The following PACS2 variants were observed in gnomAD, a reference collection of about 807,000 sequenced individuals.
PACS2 encodes the protein PACS1-like protein.
A neutral mutation model predicts 113.0 loss-of-function variants in PACS2; 36 were observed. The ratio of observed to expected loss-of-function variants is 0.32; its 90% CI spans 0.24 to 0.42. The LOEUF is 0.42. Ranked by LOEUF, PACS2 falls within the 10% of genes least tolerant of loss-of-function variation. The pLI is 1.00. For missense variants in PACS2, 1,015 were observed against 1,239.5 expected (o/e 0.82, Z 2.72); for synonymous variants, 589 against 536.1 (o/e 1.10, Z -1.36).
rs774735300 is a variant in PACS2 at position 105,330,876 on chromosome 14, C to T, written c.119+15839C>T. ...CAGCTGTGCCCCATGCAGCCTCTAC[C>T]GGCATCTCACGTGATGTCAACCTTC... On this transcript the variant is annotated intron_variant, in intron 1 of 24. Transcript: ENST00000447393. This position sits in a 1 kb window ranked among gnomAD's most constrained non-coding sequence, Gnocchi z 6.9. 1.4e-4 allele frequency among the ~76,000 whole-genome samples: 22 copies of T among 152,180 alleles called. No individual in the cohort carries two copies. Among genetic ancestry groups the T allele is most frequent in the African/African-American group, 3.4e-4 (14 of 41,448 alleles).
intron 1 of PACS2, among the ~76,000 whole-genome samples, chr14:105,325,551 C>T (rs768629751): frequency 1.3e-5 from 2 of 152,208 alleles, no homozygotes; most frequent in Non-Finnish European, 2.9e-5. Flanking sequence ...TGGCAGCAGC[C>T]GCCACGCACA....
intron 1 of PACS2, among the ~76,000 whole-genome samples, chr14:105,304,030 C>T (rs1447370118): frequency 1.3e-5 from 2 of 152,244 alleles, no homozygotes; most frequent in Non-Finnish European, 2.9e-5. Flanking sequence ...CGTGTGCTCC[C>T]TCACCAAAGC....
rs1555405468 is a variant in PACS2 at position 105,357,240 on chromosome 14, C to G, written c.423+2063C>G. Among the ~76,000 whole-genome samples the G allele has an allele frequency of 6.6e-6, 1 of 152,108 alleles. No individual in the cohort carries two copies. The highest frequency in any genetic ancestry group is 1.5e-5 in the Non-Finnish European group (1 of 68,022). ...AGCCTTGGGCTGTCCCCTCCTGATC[C>G]CCGGGGAGAGGCTGGAGCAACCTTC... On this transcript the variant is annotated intron_variant, in intron 4 of 24. Coordinates refer to ENST00000447393, the MANE Select transcript of PACS2 (RefSeq NM_001100913.3). The surrounding 1 kb of genome is among the most constrained non-coding windows in gnomAD (Gnocchi z 5.1).
intron 19 of PACS2, among the ~76,000 whole-genome samples, chr14:105,386,126 G>A (rs1192227672): frequency 6.6e-6 from 1 of 152,220 alleles, no homozygotes; most frequent in Non-Finnish European, 1.5e-5. Flanking sequence ...TTTAAACCAG[G>A]AGCGAGTGGC....
chr14:105,309,945 C>A (rs1217270209), upstream of PACS2, among the ~76,000 whole-genome samples: 1 of 151,732 alleles, frequency 6.6e-6, no homozygotes, highest in African/African-American at 2.4e-5. The surrounding 1 kb of genome is among the most constrained non-coding windows in gnomAD (Gnocchi z 4.0). Context: ...GCCACCACAC[C>A]CGACTAATTT....
intron 20 of PACS2, 91 bp downstream of exon 20, chr14:105,390,094 TTC>T: frequency 1.8e-6 from 2 of 1,091,892 alleles, no homozygotes; most frequent in Non-Finnish European, 2.8e-6. Flanking sequence ...ACTCGATATA[TTC>T]CAGAACCTTC....
rs1251307046 is a variant in PACS2, at chr14:105,330,216, G to A, written c.119+15179G>A. Among the ~76,000 whole-genome samples the A allele has an allele frequency of 7.4e-6, 1 of 135,618 alleles. No individual in the cohort carries two copies. Among genetic ancestry groups the A allele is most frequent in the East Asian group, 2.2e-4 (1 of 4,604 alleles). 89.0% of individuals were successfully genotyped at this position (135,618 alleles called of 152,430 possible). A position where few individuals can be genotyped will look rare whatever the true frequency, so the allele number is the denominator to read the frequency against. On this transcript the variant is annotated intron_variant, in intron 1 of 24. Coordinates refer to ENST00000447393, the MANE Select transcript of PACS2 (RefSeq NM_001100913.3). The surrounding 1 kb of genome is among the most constrained non-coding windows in gnomAD (Gnocchi z 6.9). ...GGAGCCTCCGAGAAGCCTGGGGTCCGTGTGTGGGACGGAACGGGGACAGGG... is the reference window on the plus strand; with the variant it reads ...GGAGCCTCCGAGAAGCCTGGGGTCCATGTGTGGGACGGAACGGGGACAGGG...
At chr14:105,339,699 T>TA (rs199609177) in intron 1 of PACS2, among the ~76,000 whole-genome samples, 239 of 133,930 alleles carry the variant, frequency 1.8e-3, no homozygotes, top group Middle Eastern at 3.9e-3. Flanking sequence ...CTGTCTCTAT[T>TA]AAAAAAAAAA....
chr14:105,385,712 C>G lies in PACS2; in HGVS notation c.2028C>G (p.Thr676=). ...KRKKHFHFDF[T]LSPDEESSQK... ...AAAAGCATTTTCATTTTGACTTTAC[C>G]CTAAGGTACGGCTCTGTGGGTCTGC... Residue 676 remains threonine, a synonymous_variant, in exon 19 of 25, where the codon ACC becomes ACG. Transcript: ENST00000447393. 1 of 1,516,310 alleles carries G rather than the reference C, an allele frequency of 6.6e-7. No individual in the cohort carries two copies. Among genetic ancestry groups the G allele is most frequent in the Non-Finnish European group, 8.8e-7 (1 of 1,135,014 alleles). 93.9% of individuals were successfully genotyped at this position (1,516,310 alleles called of 1,614,324 possible).
chr14:105,333,084 T>C (rs2059365234), intron 1 of PACS2, among the ~76,000 whole-genome samples: 1 of 149,484 alleles, frequency 6.7e-6, no homozygotes, highest in African/African-American at 2.6e-5. Context: ...GTAGACCAAC[T>C]GGCGTGGGTG....
chr14:105,350,817 A>G (rs1361511481), intron 2 of PACS2, among the ~76,000 whole-genome samples: 1 of 152,210 alleles, frequency 6.6e-6, no homozygotes, highest in Non-Finnish European at 1.5e-5. Flanking sequence ...AACATCTCTG[A>G]AGGGTCAAGG....
intron 1 of PACS2, among the ~76,000 whole-genome samples, chr14:105,327,242 AG>A (rs966931630): frequency 3.3e-5 from 5 of 152,170 alleles, no homozygotes; most frequent in African/African-American, 1.2e-4. Flanking sequence ...AGGGGGAAGG[AG>A]GGCAGGCCTT....
chr14:105,380,241 C>A, intron 11 of PACS2, 87 bp downstream of exon 11: 1 of 1,135,838 alleles, frequency 8.8e-7, no homozygotes, highest in Non-Finnish European at 1.3e-6. Flanking sequence ...GGGGCGGGGC[C>A]CACATATAGG....
Position 105,348,470 on chromosome 14 carries a change from C to T in PACS2, c.120-23C>T. 1 of 1,589,714 alleles carries T rather than the reference C, an allele frequency of 6.3e-7. No homozygotes were observed. The highest frequency in any genetic ancestry group is 8.6e-7 in the Non-Finnish European group (1 of 1,160,438). The stretch of plus-strand genomic sequence containing the variant: ...CTGAGGAGAGGGCGGAGCCCCGAGG[C>T]TGAGCTGTGCCTTGCCTCACAGGTT... On this transcript the variant is annotated intron_variant, in intron 1 of 24. Coordinates refer to ENST00000447393, the MANE Select transcript of PACS2 (RefSeq NM_001100913.3). This position sits in a 1 kb window ranked among gnomAD's most constrained non-coding sequence, Gnocchi z 6.4.
chr14:105,323,519 C>A lies in PACS2; in HGVS notation c.119+8482C>A, dbSNP rs996820669. 6.6e-6 allele frequency among the ~76,000 whole-genome samples: 1 copy of A among 152,238 alleles called. No individual in the cohort carries two copies. The highest frequency in any genetic ancestry group is 1.5e-5 in the Non-Finnish European group (1 of 68,050). ...GAGCCTGCACAGTGTAGCTCCTTGG[C>A]GGACGTTCCTGTAATGGAACCAGGA... On this transcript the variant is annotated intron_variant, in intron 1 of 24. Coordinates refer to ENST00000447393, the MANE Select transcript of PACS2 (RefSeq NM_001100913.3). The surrounding 1 kb of genome is among the most constrained non-coding windows in gnomAD (Gnocchi z 4.1).
Position 105,394,652 on chromosome 14 carries a change from C to T in PACS2, c.2695C>T (p.His899Tyr), listed in dbSNP as rs991387503. ...GCACTTCCCCATCTGCATCTTCGGA[C>T]ACTCCAAGGCCACCTTCTAGCCCCA... ...VKHFPICIFGHSKATF is the reference protein window; with the variant it reads ...VKHFPICIFGYSKATF Residue 899 changes from histidine (H) to tyrosine (Y), a missense_variant, in exon 25 of 25, where the codon CAC (histidine) becomes TAC (tyrosine). Coordinates refer to ENST00000447393, the MANE Select transcript of PACS2 (RefSeq NM_001100913.3). The T allele has an allele frequency of 1.1e-5, 18 of 1,612,348 alleles. No individual in the cohort carries two copies. Among genetic ancestry groups the T allele is most frequent in the Non-Finnish European group, 1.4e-5 (17 of 1,179,088 alleles).
chr14:105,383,735 T>C, intron 16 of PACS2: 1 of 541,878 alleles, frequency 1.8e-6, no homozygotes, highest in Non-Finnish European at 3.2e-6. Context: ...TTTAATTATA[T>C]GCAAGATAAC....
chr14:105,391,307 C>A (rs375521011), intron 21 of PACS2, 58 bp downstream of exon 21: 7 of 1,307,414 alleles, frequency 5.4e-6, no homozygotes, highest in Admixed American at 3.4e-5. Context: ...TGCAGGAGCA[C>A]GGTCATTCGA....
At chr14:105,325,229 G>A (rs1258582181) in intron 1 of PACS2, among the ~76,000 whole-genome samples, 1 of 151,640 alleles carries the variant, frequency 6.6e-6, no homozygotes, top group African/African-American at 2.4e-5. Flanking sequence ...GGGGTGGGGT[G>A]GGGCTGGGGG....
Sources: allele counts gnomAD v4.1 joint callset (sites outside exome capture counted in the v4.1 genomes callset), GRCh38; gene constraint gnomAD v4.1.1; non-coding constraint Gnocchi (gnomAD v3.1); transcripts MANE v1.5; gene names NCBI Gene and HGNC (gene_info 2026-07-23, HGNC 2026-07-21).